Variants in MYBPHL observed in about 807,000 individuals in gnomAD.
The protein encoded by MYBPHL is myosin binding protein H like, also known as myosin-binding protein H-like.
In MYBPHL, 32 loss-of-function variants were observed where a neutral mutation model predicts 39.5. The ratio of observed to expected loss-of-function variants is 0.81; its 90% confidence interval spans 0.61 to 1.09. The LOEUF (loss-of-function observed/expected upper bound fraction) is 1.09, where lower values mean the gene tolerates loss of function less well. Among genes scored for constraint, MYBPHL ranks in the 50% least tolerant of loss-of-function variants. The pLI is 0.00. For missense variants in MYBPHL, 456 were observed against 460.2 expected (o/e 0.99, Z 0.08); for synonymous variants, 196 against 183.7 (o/e 1.07, Z -0.54).
At chr1:109,305,058 T>C (rs1019463877) in intron 1 of MYBPHL, among the ~76,000 whole-genome samples, 19 of 152,158 alleles carry the variant, frequency 1.2e-4, no homozygotes, top group African/African-American at 4.6e-4. Flanking sequence ...CCCTGAAGGA[T>C]CTTTGGTGGG....
At chr1:109,295,555 C>T (rs745845585) in intron 6 of MYBPHL, among the ~76,000 whole-genome samples, 1 of 152,214 alleles carries the variant, frequency 6.6e-6, no homozygotes, top group Non-Finnish European at 1.5e-5. Context: ...TGCTAACTTC[C>T]GTTCCGGGCT....
chr1:109,296,680 C>T, intron 5 of MYBPHL, 103 bp downstream of exon 5: 1 of 1,370,496 alleles, frequency 7.3e-7, no homozygotes, highest in Non-Finnish European at 1.0e-6. Flanking sequence ...CTCAGGTGAT[C>T]CGCCTGCCTT....
intron 1 of MYBPHL, among the ~76,000 whole-genome samples, chr1:109,299,420 C>T (rs1439215204): frequency 6.6e-6 from 1 of 152,234 alleles, no homozygotes; most frequent in Non-Finnish European, 1.5e-5. Flanking sequence ...TGTATGTTTA[C>T]TTATAGATGA....
intron 5 of MYBPHL, 34 bp downstream of exon 5, chr1:109,296,749 T>G (rs955725073): frequency 5.6e-6 from 9 of 1,613,522 alleles, no homozygotes; most frequent in Non-Finnish European, 7.6e-6. Flanking sequence ...TATCCTTAAG[T>G]CTTCCCAGCT....
At position 109,296,866 on chromosome 1, in the gene MYBPHL, G is replaced by A; in HGVS notation, c.647C>T (p.Ala216Val). 3 of 1,614,178 alleles carry A rather than the reference G, an allele frequency of 1.9e-6. No individual in the cohort carries two copies. Among genetic ancestry groups the A allele is most frequent in the Non-Finnish European group, 2.5e-6 (3 of 1,180,026 alleles). The change falls in exon 5 of 9, where the codon GCC (alanine) becomes GTC (valine). Residue 216 changes from alanine to valine, a missense_variant. Coordinates refer to ENST00000357155, the MANE Select transcript of MYBPHL (RefSeq NM_001010985.3). The stretch of plus-strand genomic sequence containing the variant: ...CTGGTTTTCAGCAAAGACACGGAAG[G>A]CATAGGAGTTGCCGATGATGAGGTC... ...VSDLIIGNSY[A>V]FRVFAENQCG...
Position 109,296,235 on chromosome 1 carries a change from C to G in MYBPHL, c.866G>C (p.Arg289Pro). 1 of 1,613,152 alleles carries G rather than the reference C, an allele frequency of 6.2e-7. No individual in the cohort carries two copies. The highest frequency in any genetic ancestry group is 2.2e-5 in the East Asian group (1 of 44,860). The change falls in exon 6 of 9, where the codon CGG (arginine) becomes CCG (proline). Residue 289 changes from arginine (R) to proline (P), a missense_variant and splice_region_variant. Transcript: ENST00000357155. ...QLFCCVRASP[R>P]PKIIWLKNKM... ...GTGCCCCCCAGAGCCCCCACTCACCCGGGGAGAGGCGCGGACACAGCAGAA... is the reference window on the plus strand; with the variant it reads ...GTGCCCCCCAGAGCCCCCACTCACCGGGGGAGAGGCGCGGACACAGCAGAA...
intron 1 of MYBPHL, among the ~76,000 whole-genome samples, chr1:109,299,860 G>A (rs1035381654): frequency 4.6e-5 from 7 of 152,188 alleles, no homozygotes; most frequent in African/African-American, 1.2e-4. Context: ...TGGGAGGGGC[G>A]GGACATGAAG....
chr1:109,298,387 AAG>A (rs1658164769), intron 1 of MYBPHL, 130 bp from the exon 2 acceptor site: 15 of 728,966 alleles, frequency 2.1e-5, no homozygotes, highest in Non-Finnish European at 3.4e-5. Flanking sequence ...AGGGGAGGGG[AAG>A]AGTGCTCCCA....
intron 1 of MYBPHL, among the ~76,000 whole-genome samples, 167 bp from the exon 2 acceptor site, chr1:109,298,424 A>T (rs1322476350): frequency 6.6e-6 from 1 of 152,064 alleles, no homozygotes; most frequent in Non-Finnish European, 1.5e-5. Context: ...TTTGGGGATG[A>T]GGGGTTGGCT....
chr1:109,297,333 C>T, intron 3 of MYBPHL, 89 bp downstream of exon 3: 8 of 1,554,766 alleles, frequency 5.1e-6, no homozygotes, highest in African/African-American at 1.4e-5. Context: ...AGCCTTGCCG[C>T]AGCTTCCCCA....
rs753637471 is a variant in MYBPHL, at chr1:109,297,043, G to T, written c.570+7C>A. 24 of 1,613,956 alleles carry T rather than the reference G, an allele frequency of 1.5e-5. No individual in the cohort carries two copies. Among genetic ancestry groups the T allele is most frequent in the Non-Finnish European group, 1.9e-5 (23 of 1,180,018 alleles). On this transcript the variant is annotated splice_region_variant and intron_variant, in intron 4 of 8. Transcript: ENST00000357155. ...TTCCACCCTCCTTCCTTCCCAGCTG[G>T]CCTCACCCCGGATTTTGTGTCAGCC...
At chr1:109,303,553 G>A (rs1658365179) in intron 1 of MYBPHL, among the ~76,000 whole-genome samples, 1 of 152,156 alleles carries the variant, frequency 6.6e-6, no homozygotes, top group South Asian at 2.1e-4. Context: ...AATTCTACTA[G>A]ACTTCCCAAG....
chr1:109,305,698 G>A (rs758036677), intron 1 of MYBPHL, among the ~76,000 whole-genome samples: 3 of 152,122 alleles, frequency 2.0e-5, no homozygotes, highest in East Asian at 1.9e-4. Flanking sequence ...CATCTTCAAC[G>A]GGACAAACTT....
intron 1 of MYBPHL, among the ~76,000 whole-genome samples, chr1:109,305,469 G>C (rs1337601741): frequency 6.6e-6 from 1 of 152,220 alleles, no homozygotes; most frequent in Non-Finnish European, 1.5e-5. Context: ...ACTGGGGGCT[G>C]TCAGGAGCTG....
intron 5 of MYBPHL, 32 bp from the exon 6 acceptor site, chr1:109,296,402 T>C: frequency 6.2e-7 from 1 of 1,611,408 alleles, no homozygotes; most frequent in Non-Finnish European, 8.5e-7. Flanking sequence ...GGCATGTAGC[T>C]TCTGAGATCC....
rs545087127 is a variant in MYBPHL, at chr1:109,302,418, GA to G, written c.146-4162del. Among the ~76,000 whole-genome samples, 121 of 152,232 alleles carry G rather than the reference GA, an allele frequency of 7.9e-4. 2 individuals are homozygous for G. In the South Asian group the frequency reaches 0.017, roughly 21 times the overall value. ...AGAGTGTCACTTTCTTGAAGGCCAT[GA>G]AACTAAGGTCAGAAAAAATAAAAGG... On this transcript the variant is annotated intron_variant, in intron 1 of 8. Coordinates refer to ENST00000357155, the MANE Select transcript of MYBPHL (RefSeq NM_001010985.3).
intron 1 of MYBPHL, 36 bp downstream of exon 1, chr1:109,306,811 C>A (rs750192441): frequency 1.3e-6 from 2 of 1,528,104 alleles, no homozygotes; most frequent in East Asian, 4.8e-5. Context: ...CTCCCACCAC[C>A]CGGCCTCCCC....
intron 1 of MYBPHL, among the ~76,000 whole-genome samples, chr1:109,301,448 A>C (rs1658274651): frequency 6.6e-6 from 1 of 152,162 alleles, no homozygotes; most frequent in African/African-American, 2.4e-5. Context: ...TTCTTAGAGA[A>C]AACTACTTCA....
At chr1:109,297,386 T>C in intron 3 of MYBPHL, 36 bp downstream of exon 3, 1 of 1,592,754 alleles carries the variant, frequency 6.3e-7, no homozygotes, top group Non-Finnish European at 8.6e-7. Context: ...AGGGAGTTCC[T>C]GAGGACCCCC....
Sources: allele counts gnomAD v4.1 joint callset (sites outside exome capture counted in the v4.1 genomes callset), GRCh38; gene constraint gnomAD v4.1.1; transcripts MANE v1.5; gene names NCBI Gene and HGNC (gene_info 2026-07-23, HGNC 2026-07-21).